Variants in MSLN observed in about 807,000 individuals in gnomAD.
MSLN encodes CAK1 antigen.
Under a neutral mutation model 72.6 loss-of-function variants are expected in MSLN, and 82 were observed. The ratio of observed to expected loss-of-function variants is 1.13; its 90% CI spans 0.94 to 1.36. MSLN has a LOEUF of 1.36. Among genes scored for constraint, MSLN ranks in the 40% most tolerant of loss-of-function variants. The pLI is 0.00. For missense variants in MSLN, 1,005 were observed against 847.9 expected (o/e 1.19, Z -2.30); for synonymous variants, 456 against 387.3 (o/e 1.18, Z -2.08).
intron 17 of MSLN, 24 bp from the exon 18 acceptor site, chr16:768,622 GCT>G (rs2041675537): frequency 6.2e-7 from 1 of 1,611,020 alleles, no homozygotes; most frequent in Admixed American, 1.7e-5. Context: ...GGAGGTGGGC[GCT>G]CTGAGTCACC....
Position 768,544 on chromosome 16 carries a change from G to C in MSLN, c.1762G>C (p.Val588Leu), listed in dbSNP as rs747560203. ...GGGCGGCATCCCCAACGGCTACCTG[G>C]TCCTAGACCTCAGCATGCAAGGTGG... ...LQGGIPNGYL[V>L]LDLSMQEALS... Residue 588 changes from valine (V) to leucine (L), a missense_variant, in exon 17 of 18, where the codon GTC becomes CTC. Transcript: ENST00000545450. The C allele has an allele frequency of 1.6e-5, 25 of 1,606,532 alleles. No homozygotes were observed. Among genetic ancestry groups the C allele is most frequent in the Admixed American group, 8.4e-5 (5 of 59,330 alleles).
At chr16:763,119 G>A in intron 3 of MSLN, 114 bp from the exon 4 acceptor site, 1 of 682,050 alleles carries the variant, frequency 1.5e-6, no homozygotes, top group Non-Finnish European at 2.5e-6. Flanking sequence ...TCTCTTTGGG[G>A]TGTGCACAGG....
intron 2 of MSLN, 106 bp downstream of exon 2, chr16:761,280 A>T (rs1052629684): frequency 1.6e-4 from 25 of 152,346 alleles, no homozygotes; most frequent in Admixed American, 1.2e-3. Flanking sequence ...CACCAGAGCG[A>T]TGGTCAGGCT....
At chr16:763,535 G>C (rs1481490464) in intron 4 of MSLN, 107 bp from the exon 5 acceptor site, 2 of 1,149,198 alleles carry the variant, frequency 1.7e-6, no homozygotes, top group East Asian at 5.1e-5. Context: ...GCCAGGCCTG[G>C]GAAGTAGCTG....
chr16:765,676 C>G lies in MSLN; in HGVS notation c.796-15C>G. On this transcript the variant is annotated splice_polypyrimidine_tract_variant and intron_variant, in intron 10 of 17. Transcript: ENST00000545450. ...CGGCCACCCGAGGCTCAGCCCAGGT[C>G]CTGCTCGTCCTCAGGGCATCGTGGC... 6.2e-7 allele frequency: 1 copy of G among 1,600,234 alleles called. No individual in the cohort carries two copies. The highest frequency in any genetic ancestry group is 8.5e-7 in the Non-Finnish European group (1 of 1,178,892).
chr16:766,173 A>T lies in MSLN; in HGVS notation c.1010A>T (p.Asp337Val). 1 of 1,612,678 alleles carries T rather than the reference A, an allele frequency of 6.2e-7. No homozygotes were observed. Among genetic ancestry groups the T allele is most frequent in the South Asian group, 1.1e-5 (1 of 91,076 alleles). ...VDAALLATQM[D>V]RVNAIPFTYE... ...GCGGCCCTGCTGGCCACCCAGATGGACCGCGTGAACGCCATCCCCTTCACC... is the reference window on the plus strand; with the variant it reads ...GCGGCCCTGCTGGCCACCCAGATGGTCCGCGTGAACGCCATCCCCTTCACC... The change falls in exon 12 of 18, where the codon GAC becomes GTC. Residue 337 changes from aspartate (D) to valine (V), a missense_variant. By Grantham distance (152) the Asp-to-Val change is radical. Transcript: ENST00000545450.
At position 762,702 on chromosome 16, in the gene MSLN, C is replaced by A. The variant is rs765571340; in HGVS notation, c.22C>A (p.Pro8Thr). Residue 8 changes from proline to threonine, a missense_variant, in exon 3 of 18, where the codon CCC (proline) becomes ACC (threonine). By Grantham distance (38) the Pro-to-Thr change is conservative. Coordinates refer to ENST00000545450, the MANE Select transcript of MSLN (RefSeq NM_005823.6). The part of the protein sequence containing the change: MALPTAR[P>T]LLGSCGTPAL... ...GACCATGGCCTTGCCAACGGCTCGACCCCTGTTGGGGTCCTGTGGGACCCC... is the reference window on the plus strand; with the variant it reads ...GACCATGGCCTTGCCAACGGCTCGAACCCTGTTGGGGTCCTGTGGGACCCC... 3.1e-6 allele frequency: 5 copies of A among 1,611,442 alleles called. No individual in the cohort carries two copies. Among genetic ancestry groups the A allele is most frequent in the Non-Finnish European group, 4.2e-6 (5 of 1,179,284 alleles).
Position 763,255 on chromosome 16 carries a change from C to T in MSLN, c.108C>T (p.Thr36=), listed in dbSNP as rs530848922. ...TAGGATGGGTGCAGCCCTCGAGGAC[C>T]CTGGCTGGAGAGACAGGGCAGGTAA... The part of the protein sequence containing the change: ...FSLGWVQPSR[T]LAGETGQEAA... The change falls in exon 4 of 18, where the codon ACC becomes ACT. Residue 36 remains threonine, a synonymous_variant. Transcript: ENST00000545450. The T allele has an allele frequency of 3.0e-5, 46 of 1,542,748 alleles. No homozygotes were observed. The highest frequency in any genetic ancestry group is 1.6e-4 in the South Asian group (13 of 82,620).
intron 13 of MSLN, 49 bp downstream of exon 13, chr16:766,539 AG>A: frequency 6.2e-7 from 1 of 1,610,634 alleles, no homozygotes; most frequent in East Asian, 2.2e-5. Context: ...GGAAGGGCTG[AG>A]GGGCAGAGTG....
In MSLN at chr16:768,550, G is replaced by C; in HGVS notation, c.1768G>C (p.Asp590His). The C allele has an allele frequency of 6.2e-7, 1 of 1,607,140 alleles. No homozygotes were observed. The highest frequency in any genetic ancestry group is 1.1e-5 in the South Asian group (1 of 90,538). ...CATCCCCAACGGCTACCTGGTCCTA[G>C]ACCTCAGCATGCAAGGTGGGCGGGG... The part of the protein sequence containing the change: ...GGIPNGYLVL[D>H]LSMQEALSGT... Residue 590 changes from aspartate (D) to histidine (H), a missense_variant, in exon 17 of 18, where the codon GAC (aspartate) becomes CAC (histidine). Transcript: ENST00000545450.
rs1176461512 is a variant in MSLN, at chr16:765,310, G to A, written c.704+7G>A. 6.4e-7 allele frequency: 1 copy of A among 1,559,898 alleles called. No homozygotes were observed. On this transcript the variant is annotated splice_region_variant and intron_variant, in intron 9 of 17. Transcript: ENST00000545450. ...GCGGGGGACCCCCCTACGGGTAAGT[G>A]AAGGTGTCTGGAACCTCGAAGGCTC...
chr16:764,038 A>G lies in MSLN; in HGVS notation c.195A>G (p.Gln65=). Residue 65 remains glutamine, a synonymous_variant, in exon 6 of 18, where the codon CAA becomes CAG. Transcript: ENST00000545450. The stretch of plus-strand genomic sequence containing the variant: ...CTTCCTGCAGCCTCTCCCCTCGCCA[A>G]CTCCTTGGCTTCCCGTGTGCGGAGG... The part of the protein sequence containing the change: ...PPNISSLSPR[Q]LLGFPCAEVS... The G allele has an allele frequency of 1.2e-6, 2 of 1,602,160 alleles. No individual in the cohort carries two copies. Among genetic ancestry groups the G allele is most frequent in the South Asian group, 1.1e-5 (1 of 90,928 alleles).
chr16:767,304 C>T, intron 15 of MSLN, 72 bp from the exon 16 acceptor site: 1 of 1,400,152 alleles, frequency 7.1e-7, no homozygotes, highest in Non-Finnish European at 1.0e-6. Context: ...AAGTGGGCTT[C>T]CTGCAGCCTG....
At position 766,356 on chromosome 16, in the gene MSLN, G is replaced by A. The variant is rs752373558; in HGVS notation, c.1096G>A (p.Glu366Lys). Reference protein sequence around the residue: ...LDELYPQGYPESVIQHLGYLF... With the variant: ...LDELYPQGYPKSVIQHLGYLF... ...GCAGCTCTACCCACAAGGTTACCCC[G>A]AGTCTGTGATCCAGCACCTGGGCTA... Residue 366 changes from glutamate (E) to lysine (K), a missense_variant, in exon 13 of 18, where the codon GAG (glutamate) becomes AAG (lysine). Transcript: ENST00000545450. 227 of 1,612,580 alleles carry A rather than the reference G, an allele frequency of 1.4e-4. No homozygotes were observed. The highest frequency in any genetic ancestry group is 1.8e-4 in the Non-Finnish European group (213 of 1,179,922).
chr16:768,815 C>A lies in MSLN; in HGVS notation c.*82C>A. The A allele has an allele frequency of 7.4e-7, 1 of 1,347,836 alleles. No homozygotes were observed. 83.5% of individuals were successfully genotyped at this position (1,347,836 alleles called of 1,614,324 possible). A position where few individuals can be genotyped will look rare whatever the true frequency, so the allele number is the denominator to read the frequency against. ...CAGGCACGGGTGGTCCCCGTTCCAC[C>A]CCAAGAGAACTCGCGCTCAGTAAAC... On this transcript the variant is annotated 3_prime_UTR_variant, in exon 18 of 18. Transcript: ENST00000545450.
At chr16:767,071 C>T (rs564655407) in intron 15 of MSLN, 59 bp downstream of exon 15, 11 of 1,606,842 alleles carry the variant, frequency 6.8e-6, no homozygotes, top group Non-Finnish European at 9.3e-6. Flanking sequence ...ACAGACTCCA[C>T]TCGGGGGTGC....
rs1245295085 is a variant in MSLN at position 766,814 on chromosome 16, A to G, written c.1373+4A>G. 2 of 1,612,444 alleles carry G rather than the reference A, an allele frequency of 1.2e-6. No individual in the cohort carries two copies. The highest frequency in any genetic ancestry group is 1.7e-6 in the Non-Finnish European group (2 of 1,179,864). ...CCGTGCCCCCCAGCAGCATCTGGTG[A>G]GTCCCCAGAACTCTGCCCGGCAAGG... On this transcript the variant is annotated splice_donor_region_variant and intron_variant, in intron 14 of 17. Transcript: ENST00000545450.
chr16:763,661 G>A lies in MSLN; in HGVS notation c.149G>A (p.Gly50Glu). The A allele has an allele frequency of 1.3e-6, 2 of 1,586,236 alleles. No individual in the cohort carries two copies. The highest frequency in any genetic ancestry group is 1.7e-6 in the Non-Finnish European group (2 of 1,166,696). Reference sequence around the variant, plus strand: ...CCCCAGGAGGCTGCGCCCCTGGACGGAGTCCTGGCCAACCCACCTAACATT... The same window carrying A: ...CCCCAGGAGGCTGCGCCCCTGGACGAAGTCCTGGCCAACCCACCTAACATT... ...ETGQEAAPLD[G>E]VLANPPNISS... The change falls in exon 5 of 18, where the codon GGA becomes GAA. Residue 50 changes from glycine (G) to glutamate (E), a missense_variant. By Grantham distance (98) the Gly-to-Glu change is moderately conservative (BLOSUM62 -2). Transcript: ENST00000545450.
rs371500242 is a variant in MSLN at position 766,630 on chromosome 16, C to G, written c.1231-38C>G. 16 of 1,611,690 alleles carry G rather than the reference C, an allele frequency of 9.9e-6. No individual in the cohort carries two copies. In the African/African-American group the frequency reaches 1.2e-4, roughly 12 times the overall value. On this transcript the variant is annotated intron_variant, in intron 13 of 17. Coordinates refer to ENST00000545450, the MANE Select transcript of MSLN (RefSeq NM_005823.6). ...ATGCTGGTGGTGGAGGGATACATCT[C>G]TCCTTGCCACAAGGCTCCTCGGCGG...
Sources: allele counts gnomAD v4.1 joint callset, GRCh38; gene constraint gnomAD v4.1.1; transcripts MANE v1.5; gene names NCBI Gene and HGNC (gene_info 2026-07-23, HGNC 2026-07-21).